PCDHA9: variants seen among roughly 807,000 people sequenced by gnomAD.
PCDHA9 encodes the protein protocadherin alpha 9, also known as protocadherin alpha-9.
In PCDHA9, 62 loss-of-function variants were observed where a neutral mutation model predicts 62.0. The observed-to-expected ratio is 1.00, with a 90% CI of 0.81 to 1.23. The LOEUF is 1.23. Among genes scored for constraint, PCDHA9 ranks in the 50% most tolerant of loss-of-function variants. PCDHA9 has a pLI of 0.00. For synonymous variants in PCDHA9, 557 were observed against 567.6 expected (o/e 0.98, Z 0.27); for missense variants, 1,205 against 1,249.8 (o/e 0.96, Z 0.54).
At chr5:140,867,360 T>C (rs1172405251) in intron 1 of PCDHA9, 1 of 152,152 alleles carries the variant, frequency 6.6e-6, no homozygotes, top group Non-Finnish European at 1.5e-5. Flanking sequence ...TTGATTATTT[T>C]ACAGATGCGT....
At chr5:140,971,527 A>G (rs116818549) in intron 1 of PCDHA9, among the ~76,000 whole-genome samples, 2,035 of 152,284 alleles carry the variant, frequency 0.013, 20 homozygotes, top group Middle Eastern at 0.054. Context: ...CAGTTCTGAA[A>G]GTCATCATTG....
intron 1 of PCDHA9, chr5:140,852,445 T>G (rs1294912184): frequency 5.4e-6 from 1 of 184,644 alleles, no homozygotes; most frequent in Admixed American, 6.7e-5. Flanking sequence ...GCCCAGCTAA[T>G]TTTTGTATTT....
intron 1 of PCDHA9, among the ~76,000 whole-genome samples, chr5:140,956,777 G>A (rs1470027067): frequency 6.6e-6 from 1 of 152,022 alleles, no homozygotes; most frequent in Admixed American, 6.6e-5. Context: ...GTCTGGTCCT[G>A]GGCTTTGTTT....
At chr5:140,908,041 G>T (rs2073758972) in intron 1 of PCDHA9, among the ~76,000 whole-genome samples, 1 of 152,112 alleles carries the variant, frequency 6.6e-6, no homozygotes, top group Non-Finnish European at 1.5e-5. Context: ...GTATATAATT[G>T]CACATCCGGC....
chr5:140,871,106 T>C (rs1554165125), intron 1 of PCDHA9: 1 of 1,613,128 alleles, frequency 6.2e-7, no homozygotes, highest in African/African-American at 1.3e-5. Context: ...CTGGTGTCGT[T>C]GGTGGAGAGC....
chr5:141,001,850 T>G (rs2098040443), intron 3 of PCDHA9, among the ~76,000 whole-genome samples: 1 of 152,164 alleles, frequency 6.6e-6, no homozygotes, highest in Admixed American at 6.5e-5. Context: ...AGAGAGAGGT[T>G]GATTAAATTG....
At chr5:140,869,217 G>T in intron 1 of PCDHA9, 4 of 1,613,842 alleles carry the variant, frequency 2.5e-6, no homozygotes, top group South Asian at 2.2e-5. Flanking sequence ...TCTCGGAGGA[G>T]GCCAAACACG....
chr5:140,861,923 A>G (rs898939301), intron 1 of PCDHA9: 1 of 153,990 alleles, frequency 6.5e-6, no homozygotes, highest in African/African-American at 2.4e-5. Flanking sequence ...GCTGGATGTA[A>G]ATGATGATGC....
intron 1 of PCDHA9, chr5:140,870,530 T>C (rs2052115440): frequency 6.2e-7 from 1 of 1,614,198 alleles, no homozygotes; most frequent in African/African-American, 1.3e-5. Flanking sequence ...ATCTTCACAG[T>C]GTCGGCGCGG....
chr5:140,888,628 T>C (rs2061913275), intron 1 of PCDHA9, among the ~76,000 whole-genome samples: 1 of 152,242 alleles, frequency 6.6e-6, no homozygotes, highest in Admixed American at 6.5e-5. Flanking sequence ...TTCGGCCTTC[T>C]ATTACAGCAA....
At chr5:140,884,260 G>C (rs781862611) in intron 1 of PCDHA9, 1 of 1,613,410 alleles carries the variant, frequency 6.2e-7, no homozygotes, top group Admixed American at 1.7e-5. Flanking sequence ...CCACGGCAAC[G>C]GTGCTGTTGT....
intron 1 of PCDHA9, chr5:140,877,906 A>G: frequency 2.1e-6 from 3 of 1,435,008 alleles, no homozygotes; most frequent in Non-Finnish European, 1.8e-6. Flanking sequence ...TTATAACTAC[A>G]TTCTCTCATT....
chr5:140,853,424 G>C lies in PCDHA9; in HGVS notation c.2394+2535G>C, dbSNP rs112620213. On this transcript the variant is annotated intron_variant, in intron 1 of 3. Transcript: ENST00000532602. ...AAAACAGAGAGGTGAAAGCAGAAGA[G>C]ACACTTTCCTATTTTGCCTAATAGG... 9 of 986,044 alleles carry C rather than the reference G, an allele frequency of 9.1e-6. 1 individual carries two copies. In the African/African-American group the frequency reaches 1.4e-4, roughly 15 times the overall value. 61.1% of individuals were successfully genotyped at this position (986,044 alleles called of 1,614,324 possible).
intron 1 of PCDHA9, chr5:140,969,086 G>A: frequency 6.2e-7 from 1 of 1,614,190 alleles, no homozygotes; most frequent in Non-Finnish European, 8.5e-7. Context: ...TGGCCTCAAA[G>A]TGCAGCCTCA....
In PCDHA9 at chr5:140,849,278, G is replaced by A. The variant is rs1427040308; in HGVS notation, c.783G>A (p.Val261=). 1 of 1,179,884 alleles carries A rather than the reference G, an allele frequency of 8.5e-7. No individual in the cohort carries two copies. The highest frequency in any genetic ancestry group is 1.2e-6 in the Non-Finnish European group (1 of 857,610). The allele number at this position is 1,179,884 out of a possible 1,614,324, so 73.1% of individuals were successfully genotyped here. A position where few individuals can be genotyped will look rare whatever the true frequency, so the allele number is the denominator to read the frequency against. ...AAAACGTTTCTATCGGAACGCTGGT[G>A]ATTCACCCCAATGCCTCAGATTTAG... ...LPENVSIGTL[V]IHPNASDLDE... The change falls in exon 1 of 4, where the codon GTG becomes GTA. Residue 261 remains valine (V), a synonymous_variant. Transcript: ENST00000532602.
intron 1 of PCDHA9, among the ~76,000 whole-genome samples, chr5:140,925,964 C>CA (rs782520997): frequency 4.3e-4 from 65 of 150,204 alleles, no homozygotes; most frequent in Middle Eastern, 3.4e-3. Flanking sequence ...TGCTATCACG[C>CA]AAAAAAAAAG....
chr5:140,862,553 C>T (rs561370771), intron 1 of PCDHA9: 12 of 463,418 alleles, frequency 2.6e-5, no homozygotes, highest in Non-Finnish European at 4.4e-5. Context: ...AGTGGCCGAA[C>T]AGTGAACCAC....
intron 1 of PCDHA9, chr5:140,927,089 T>G: frequency 6.2e-7 from 1 of 1,612,460 alleles, no homozygotes; most frequent in Non-Finnish European, 8.5e-7. Flanking sequence ...GAGCTCTACT[T>G]CGGGGTGGAT....
chr5:140,889,561 C>A (rs1170749193), intron 1 of PCDHA9, among the ~76,000 whole-genome samples: 1 of 151,898 alleles, frequency 6.6e-6, no homozygotes, highest in African/African-American at 2.4e-5. Flanking sequence ...CTTCAGAATT[C>A]TGCTTTCTGA....
Sources: allele counts gnomAD v4.1 joint callset (sites outside exome capture counted in the v4.1 genomes callset), GRCh38; gene constraint gnomAD v4.1.1; transcripts MANE v1.5; gene names NCBI Gene and HGNC (gene_info 2026-07-23, HGNC 2026-07-21).